Variants in MED12L observed in about 807,000 individuals in gnomAD.
MED12L encodes mediator complex subunit 12L.
Under a neutral mutation model 281.3 loss-of-function variants are expected in MED12L, and 60 were observed. That is an observed-to-expected ratio of 0.21 (90% CI 0.17 to 0.26). The LOEUF (loss-of-function observed/expected upper bound fraction) is 0.26. Among genes scored for constraint, MED12L ranks in the 10% least tolerant of loss-of-function variants. The pLI is 1.00. For missense variants in MED12L, 2,146 were observed against 2,680.9 expected, an observed-to-expected ratio of 0.80 and a Z score of 4.41; for synonymous variants, 974 against 987.2, an observed-to-expected ratio of 0.99 and a Z score of 0.25.
intron 16 of MED12L, among the ~76,000 whole-genome samples, chr3:151,318,320 C>G (rs1748555907): frequency 6.6e-6 from 1 of 151,476 alleles, no homozygotes; most frequent in South Asian, 2.1e-4. Flanking sequence ...TTATACTTCC[C>G]CATTGATTTA....
intron 2 of MED12L, among the ~76,000 whole-genome samples, chr3:151,094,176 A>G (rs1173141628): frequency 6.6e-6 from 1 of 152,224 alleles, no homozygotes; most frequent in Non-Finnish European, 1.5e-5. Flanking sequence ...AAAAAAGAAA[A>G]GCAGAAGTAG....
intron 44 of MED12L, among the ~76,000 whole-genome samples, chr3:151,430,714 C>T (rs1368894671): frequency 2.6e-5 from 1 of 38,924 alleles, no homozygotes; most frequent in Non-Finnish European, 6.7e-5. Context: ...GGAGCATCAG[C>T]TAATGCCCTT....
intron 2 of MED12L, among the ~76,000 whole-genome samples, chr3:151,108,643 C>T (rs1481055058): frequency 6.6e-6 from 1 of 152,178 alleles, no homozygotes; most frequent in Non-Finnish European, 1.5e-5. Flanking sequence ...ACTTCTGTGG[C>T]TTTCTCATCC....
chr3:151,408,545 G>A (rs569069567), intron 39 of MED12L, among the ~76,000 whole-genome samples: 1 of 152,216 alleles, frequency 6.6e-6, no homozygotes, highest in South Asian at 2.1e-4. Context: ...CTTCCATGAA[G>A]TAACTTCTGC....
intron 3 of MED12L, among the ~76,000 whole-genome samples, chr3:151,118,097 A>G (rs1713139813): frequency 6.6e-6 from 1 of 151,736 alleles, no homozygotes; most frequent in African/African-American, 2.4e-5. Flanking sequence ...TCTCAAAAAA[A>G]AAAAAAAAAA....
At chr3:151,275,394 A>T (rs545772020) in intron 16 of MED12L, among the ~76,000 whole-genome samples, 1 of 152,184 alleles carries the variant, frequency 6.6e-6, no homozygotes, top group East Asian at 1.9e-4. Flanking sequence ...GGGTCAGAAC[A>T]TGATATCTAA....
chr3:151,190,385 T>G (rs763507764), intron 13 of MED12L, among the ~76,000 whole-genome samples: 10 of 152,114 alleles, frequency 6.6e-5, no homozygotes, highest in Non-Finnish European at 1.3e-4. Flanking sequence ...TTGGCCAGGC[T>G]GGTCTCGAAC....
intron 16 of MED12L, chr3:151,249,008 C>G (rs971282537): frequency 6.6e-6 from 1 of 152,162 alleles, no homozygotes; most frequent in African/African-American, 2.4e-5. Flanking sequence ...GCTTTCAAAT[C>G]AAAACATTTA....
intron 5 of MED12L, among the ~76,000 whole-genome samples, chr3:151,139,301 G>C (rs946419016): frequency 6.6e-6 from 1 of 152,124 alleles, no homozygotes; most frequent in Non-Finnish European, 1.5e-5. Context: ...TCTCCAAGGA[G>C]CCCTGGTTGT....
Position 151,241,932 on chromosome 3 carries a change from G to A in MED12L, c.2250+48266G>A, listed in dbSNP as rs568444953. 2.6e-3 allele frequency: 397 copies of A among 153,378 alleles called. 1 individual carries two copies. The highest frequency in any genetic ancestry group is 4.7e-3 in the Admixed American group (72 of 15,304). The allele number at this position is 153,378 out of a possible 1,614,324, so 9.5% of individuals were successfully genotyped here. A position where few individuals can be genotyped will look rare whatever the true frequency, so the allele number is the denominator to read the frequency against. ...GCGCAGGTCAGTGGGTGCGCGAGCC[G>A]AAGCAGGGCGAGGCACTGCCTCACT... On this transcript the variant is annotated intron_variant, in intron 16 of 44. Coordinates refer to ENST00000687756, the MANE Select transcript of MED12L (RefSeq NM_001393769.1).
chr3:151,380,048 T>A lies in MED12L; in HGVS notation c.4479-65T>A, dbSNP rs1577504761. On this transcript the variant is annotated intron_variant, in intron 31 of 44. Transcript: ENST00000687756. ...TCTAATAGTGAGGCAAAGAAATGAATGTTGCCAGAGGAAGTAATGCATTAT... is the reference window on the plus strand; with the variant it reads ...TCTAATAGTGAGGCAAAGAAATGAAAGTTGCCAGAGGAAGTAATGCATTAT... The A allele has an allele frequency of 1.2e-5, 12 of 1,008,406 alleles. No individual in the cohort carries two copies. The East Asian group carries it at 2.9e-4, about 24-fold the overall frequency. 62.5% of individuals were successfully genotyped at this position (1,008,406 alleles called of 1,614,324 possible).
At position 151,328,306 on chromosome 3, in the gene MED12L, G is replaced by C. The variant is rs781753965; in HGVS notation, c.2251-21753G>C. Reference sequence around the variant, plus strand: ...CAAATACTTTGCCTTCCAGCTTTTTGTTGTTTTTTCTGTCCTTACTTTTGG... The same window carrying C: ...CAAATACTTTGCCTTCCAGCTTTTTCTTGTTTTTTCTGTCCTTACTTTTGG... On this transcript the variant is annotated intron_variant, in intron 16 of 44. Coordinates refer to ENST00000687756, the MANE Select transcript of MED12L (RefSeq NM_001393769.1). 3 of 1,613,632 alleles carry C rather than the reference G, an allele frequency of 1.9e-6. No homozygotes were observed. In the South Asian group the frequency reaches 3.3e-5, roughly 18 times the overall value.
intron 16 of MED12L, among the ~76,000 whole-genome samples, chr3:151,289,506 A>G (rs1192563176): frequency 2.0e-5 from 3 of 152,198 alleles, no homozygotes; most frequent in Non-Finnish European, 4.4e-5. Flanking sequence ...TAATTGACAG[A>G]TGGCTTTCTG....
rs1723908449 is a variant in MED12L, at chr3:151,191,040, C to A, written c.1968+109C>A. The A allele has an allele frequency of 8.5e-6, 8 of 943,556 alleles. No individual in the cohort carries two copies. In the Admixed American group the frequency reaches 9.9e-5, roughly 12 times the overall value. The allele number at this position is 943,556 out of a possible 1,614,324, so 58.4% of individuals were successfully genotyped here. ...AAGAGTGATGGCTTTTTGTTGTATT[C>A]TTTTGCCCCAGTGGTTGTTTATCTC... On this transcript the variant is annotated intron_variant, in intron 14 of 44. Transcript: ENST00000687756.
At chr3:151,163,737 T>C (rs938789511) in intron 8 of MED12L, among the ~76,000 whole-genome samples, 156 bp from the exon 9 acceptor site, 1 of 152,246 alleles carries the variant, frequency 6.6e-6, no homozygotes, top group Admixed American at 6.5e-5. Context: ...GTCTTCTCAA[T>C]TGCGAAGTTG....
At chr3:151,163,771 A>G in intron 8 of MED12L, 122 bp from the exon 9 acceptor site, 1 of 972,634 alleles carries the variant, frequency 1.0e-6, no homozygotes, top group Admixed American at 3.1e-5. Flanking sequence ...ACACTCTCGT[A>G]TTTTAAACTT....
At chr3:151,369,375 A>G (rs1755901868) in intron 25 of MED12L, 61 bp from the exon 26 acceptor site, 1 of 1,199,380 alleles carries the variant, frequency 8.3e-7, no homozygotes, top group African/African-American at 1.5e-5. Flanking sequence ...CTGCCTGTAA[A>G]TAATTACAAA....
intron 39 of MED12L, among the ~76,000 whole-genome samples, chr3:151,397,445 G>A (rs756098892): frequency 7.2e-4 from 109 of 152,300 alleles, no homozygotes; most frequent in African/African-American, 2.2e-3. Context: ...TGTAGCATCC[G>A]TCATGGTACC....
In MED12L at chr3:151,127,603, C is replaced by T. The variant is rs573985525; in HGVS notation, c.397-222C>T. Among the ~76,000 whole-genome samples the T allele has an allele frequency of 2.0e-5, 3 of 152,242 alleles. No individual in the cohort carries two copies. The East Asian group carries it at 5.8e-4, about 29-fold the overall frequency. On this transcript the variant is annotated intron_variant, in intron 4 of 44. Transcript: ENST00000687756. ...CTAGTGAAAGTTTTATATTGTGCTA[C>T]ACCTAGTTTTGATTATTTTTTTCTT...
Sources: allele counts gnomAD v4.1 joint callset (sites outside exome capture counted in the v4.1 genomes callset), GRCh38; gene constraint gnomAD v4.1.1; transcripts MANE v1.5; gene names NCBI Gene and HGNC (gene_info 2026-07-23, HGNC 2026-07-21).